Variants in DUOX1 observed in about 807,000 individuals in gnomAD.
DUOX1 encodes the protein NADPH thyroid oxidase 1.
DUOX1 carries 134 observed loss-of-function variants against 181.8 expected under a neutral mutation model. The observed-to-expected ratio is 0.74, with a 90% confidence interval of 0.64 to 0.85. The LOEUF (loss-of-function observed/expected upper bound fraction) is 0.85, where lower values mean the gene tolerates loss of function less well. DUOX1 is among the 40% of genes least tolerant of loss of function. The probability of loss-of-function intolerance (pLI) is 0.00; values close to 1 mark genes in which losing one functional copy is unlikely to be tolerated. For missense variants in DUOX1, 1,814 were observed against 2,064.4 expected (o/e 0.88, Z 2.35); for synonymous variants, 798 against 832.5 (o/e 0.96, Z 0.71).
At chr15:45,145,484 G>A (rs1397386193) in intron 18 of DUOX1, among the ~76,000 whole-genome samples, 4 of 152,202 alleles carry the variant, frequency 2.6e-5, no homozygotes, top group Admixed American at 1.3e-4. Flanking sequence ...GGGCATTGAT[G>A]TCCACCTTGC....
rs1896613858 is a variant in DUOX1 at position 45,145,049 on chromosome 15, T to G, written c.2291T>G (p.Leu764Arg). ...ACACGGGAGCAGCGGAGGCACCTCCTGGAGACCTTTTTCAGGCACCTTTTC... is the reference window on the plus strand; with the variant it reads ...ACACGGGAGCAGCGGAGGCACCTCCGGGAGACCTTTTTCAGGCACCTTTTC... ...AVTREQRRHL[L>R]ETFFRHLFSQ... Residue 764 changes from leucine (L) to arginine (R), a missense_variant, in exon 18 of 34, where the codon CTG (leucine) becomes CGG (arginine). This residue lies in a region of DUOX1 where 1,064 missense variants were observed against 1,152.9 expected (regional missense o/e 0.92). Transcript: ENST00000389037. 1.2e-6 allele frequency: 2 copies of G among 1,609,906 alleles called. No individual in the cohort carries two copies. Among genetic ancestry groups the G allele is most frequent in the East Asian group, 4.5e-5 (2 of 44,870 alleles).
At chr15:45,137,185 T>TAAAA (rs35442034) in intron 9 of DUOX1, among the ~76,000 whole-genome samples, 1 of 81,922 alleles carries the variant, frequency 1.2e-5, no homozygotes, top group Non-Finnish European at 2.3e-5. Flanking sequence ...TCGTCTCTAC[T>TAAAA]AAAAAAAAAA....
chr15:45,135,536 C>T lies in DUOX1; in HGVS notation c.558C>T (p.Ser186=). 3 of 1,558,548 alleles carry T rather than the reference C, an allele frequency of 1.9e-6. No individual in the cohort carries two copies. The highest frequency in any genetic ancestry group is 1.2e-5 in the South Asian group (1 of 84,744). The change falls in exon 6 of 34, where the codon AGC becomes AGT. Residue 186 remains serine, a synonymous_variant. Transcript: ENST00000389037. Reference sequence around the variant, plus strand: ...TCTATGGTTCCTCGCATTCCTGGAGCGACGCGCTGCGGAGCTTCTCCAGGG... The same window carrying T: ...TCTATGGTTCCTCGCATTCCTGGAGTGACGCGCTGCGGAGCTTCTCCAGGG... The part of the protein sequence containing the change: ...SAIYGSSHSW[S]DALRSFSRGQ...
Position 45,141,049 on chromosome 15 carries a change from G to A in DUOX1, c.1544G>A (p.Trp515Ter). ...FVRLRDGDRY[W>*]FENTRNGLFS... The stretch of plus-strand genomic sequence containing the variant: ...CGGCTACGGGATGGTGACCGCTACT[G>A]GTTTGAGAACACCAGGAATGGGTAA... Residue 515 changes from tryptophan to a stop codon, truncating the protein, a stop_gained, in exon 13 of 34, where the codon TGG becomes TAG. Coordinates refer to ENST00000389037, the MANE Select transcript of DUOX1 (RefSeq NM_175940.3). LOFTEE classifies it high-confidence loss of function. 6.2e-7 allele frequency: 1 copy of A among 1,614,238 alleles called. No homozygotes were observed. Among genetic ancestry groups the A allele is most frequent in the African/African-American group, 1.3e-5 (1 of 75,068 alleles).
In DUOX1 at chr15:45,138,078, A is replaced by ATGTGTGTGTG. The variant is rs72204897; in HGVS notation, c.1113+83_1113+92dup. On this transcript the variant is annotated intron_variant, in intron 10 of 33. Transcript: ENST00000389037. ...TGTGCATGCTTATGTGTGTGTGTGTATGTGTGTGTGTGTGTGTGTGTGTGT... is the reference window on the plus strand; with the variant it reads ...TGTGCATGCTTATGTGTGTGTGTGTATGTGTGTGTGTGTGTGTGTGTGTGTGTGTGTGTGT... 9.9e-4 allele frequency: 544 copies of ATGTGTGTGTG among 548,760 alleles called. 2 individuals are homozygous for ATGTGTGTGTG. Among genetic ancestry groups the ATGTGTGTGTG allele is most frequent in the African/African-American group, 3.6e-3 (179 of 50,356 alleles). 34.0% of individuals were successfully genotyped at this position (548,760 alleles called of 1,614,324 possible).
chr15:45,153,462 C>A lies in DUOX1; in HGVS notation c.3507C>A (p.Gly1169=), dbSNP rs760307573. The part of the protein sequence containing the change: ...PLSVLSCLFP[G]LFHDDGSELP... ...GCGTCCTCTCTTGCCTCTTTCCTGG[C>A]CTCTTCCATGATGATGGGTGAGTAA... Residue 1169 remains glycine (G), a synonymous_variant, in exon 26 of 34, where the codon GGC becomes GGA. Transcript: ENST00000389037. 1.4e-5 allele frequency: 23 copies of A among 1,612,526 alleles called. No homozygotes were observed. Among genetic ancestry groups the A allele is most frequent in the Non-Finnish European group, 1.6e-5 (19 of 1,179,596 alleles).
At chr15:45,144,807 C>T (rs937035480) in intron 17 of DUOX1, 88 bp from the exon 18 acceptor site, 2 of 1,379,446 alleles carry the variant, frequency 1.4e-6, no homozygotes, top group African/African-American at 1.4e-5. Flanking sequence ...AAGGCCACCC[C>T]AGTGGCCCCT....
At chr15:45,139,332 C>G (rs1470234150) in intron 11 of DUOX1, 95 bp from the exon 12 acceptor site, 3 of 1,588,678 alleles carry the variant, frequency 1.9e-6, no homozygotes, top group East Asian at 2.2e-5. Flanking sequence ...CCTTCTGGCT[C>G]AAGTCTCCTG....
At chr15:45,157,428 C>A (rs2141299480) in intron 28 of DUOX1, among the ~76,000 whole-genome samples, 1 of 152,234 alleles carries the variant, frequency 6.6e-6, no homozygotes, top group East Asian at 1.9e-4. Flanking sequence ...AGTGGCCAGG[C>A]AGGCTCCCTA....
At position 45,139,451 on chromosome 15, in the gene DUOX1, T is replaced by A. The variant is rs1595579382; in HGVS notation, c.1241T>A (p.Phe414Tyr). 1 of 1,612,522 alleles carries A rather than the reference T, an allele frequency of 6.2e-7. No homozygotes were observed. Among genetic ancestry groups the A allele is most frequent in the Admixed American group, 1.7e-5 (1 of 59,408 alleles). The change falls in exon 12 of 34, where the codon TTT becomes TAT. Residue 414 changes from phenylalanine (F) to tyrosine (Y), a missense_variant. Transcript: ENST00000389037. ...GATTTCTGGCCTGGGCCACTGAAGTTTTCCCGCACAGACCACCTGGCCAGC... is the reference window on the plus strand; with the variant it reads ...GATTTCTGGCCTGGGCCACTGAAGTATTCCCGCACAGACCACCTGGCCAGC... ...VRDFWPGPLK[F>Y]SRTDHLASCL... is the part of the protein sequence containing the mutation.
At chr15:45,139,732 C>A in intron 12 of DUOX1, 133 bp downstream of exon 12, 2 of 1,016,986 alleles carry the variant, frequency 2.0e-6, no homozygotes, top group Non-Finnish European at 2.8e-6. Flanking sequence ...TTACCCAGAT[C>A]ACTTTTCCCA....
intron 28 of DUOX1, among the ~76,000 whole-genome samples, chr15:45,160,627 G>A (rs1217830366): frequency 1.3e-5 from 2 of 152,348 alleles, no homozygotes; most frequent in Non-Finnish European, 2.9e-5. Flanking sequence ...GTGGTGTCAG[G>A]GATCTAGAAA....
chr15:45,160,139 G>A (rs1258985518), intron 28 of DUOX1, among the ~76,000 whole-genome samples: 3 of 152,186 alleles, frequency 2.0e-5, no homozygotes, highest in Non-Finnish European at 2.9e-5. Context: ...GTGACAGAAT[G>A]AGACTCTGTC....
chr15:45,153,492 GAA>G lies in DUOX1; in HGVS notation c.3524+14_3524+15del, dbSNP rs1463902298. The G allele has an allele frequency of 2.3e-5, 24 of 1,047,330 alleles. No homozygotes were observed. Among genetic ancestry groups the G allele is most frequent in the Non-Finnish European group, 3.5e-5 (24 of 681,794 alleles). The allele number at this position is 1,047,330 out of a possible 1,614,324, so 64.9% of individuals were successfully genotyped here. ...TCCATGATGATGGGTGAGTAAGTGCGAATGTGTGTGTGTGTGTGTGTGTGTGT... is the reference window on the plus strand; with the variant it reads ...TCCATGATGATGGGTGAGTAAGTGCGTGTGTGTGTGTGTGTGTGTGTGTGT... On this transcript the variant is annotated intron_variant, in intron 26 of 33. Coordinates refer to ENST00000389037, the MANE Select transcript of DUOX1 (RefSeq NM_175940.3).
At chr15:45,148,214 CTG>C in intron 20 of DUOX1, 56 bp from the exon 21 acceptor site, 1 of 1,609,830 alleles carries the variant, frequency 6.2e-7, no homozygotes, top group South Asian at 1.1e-5. Context: ...TCAGTGTGTC[CTG>C]TGTCTGGGTC....
At chr15:45,160,718 G>C in intron 28 of DUOX1, 119 bp from the exon 29 acceptor site, 1 of 1,315,916 alleles carries the variant, frequency 7.6e-7, no homozygotes, top group Non-Finnish European at 1.0e-6. Flanking sequence ...AGCATGGTAC[G>C]TGGTGAGGTG....
intron 8 of DUOX1, 36 bp from the exon 9 acceptor site, chr15:45,136,493 T>G: frequency 6.2e-7 from 1 of 1,614,040 alleles, no homozygotes; most frequent in Non-Finnish European, 8.5e-7. Context: ...ATTTTAGGGC[T>G]AAATTCTTCT....
rs768557575 is a variant in DUOX1, at chr15:45,161,840, C to T, written c.3959C>T (p.Pro1320Leu). 1.2e-6 allele frequency: 2 copies of T among 1,614,046 alleles called. No homozygotes were observed. The highest frequency in any genetic ancestry group is 1.7e-5 in the Admixed American group (1 of 60,004). The change falls in exon 30 of 34, where the codon CCC (proline) becomes CTC (leucine). Residue 1320 changes from proline (P) to leucine (L), a missense_variant. By Grantham distance (98) the Pro-to-Leu change is moderately conservative (BLOSUM62 -3). Coordinates refer to ENST00000389037, the MANE Select transcript of DUOX1 (RefSeq NM_175940.3). ...CLALGTTEYH[P>L]FTLTSAPHED... ...GCTCTGGGGACCACCGAGTACCACC[C>T]CTTCACACTGACCTCTGCGCCCCAT... is the stretch of plus-strand genomic sequence containing the variant.
chr15:45,152,375 T>C lies in DUOX1; in HGVS notation c.3283T>C (p.Phe1095Leu). Residue 1095 changes from phenylalanine (F) to leucine (L), a missense_variant, in exon 25 of 34, where the codon TTC becomes CTC. By Grantham distance (22) the Phe-to-Leu change is conservative (BLOSUM62 0). Transcript: ENST00000389037. ...LSRGTAASIS[F>L]MFSYILLTMC... ...GCGGGGCACAGCAGCCAGCATCTCT[T>C]TCATGTTCTCCTACATCTTGCTCAC... is the stretch of plus-strand genomic sequence containing the variant. 5.0e-6 allele frequency: 8 copies of C among 1,614,168 alleles called. No individual in the cohort carries two copies. The highest frequency in any genetic ancestry group is 6.8e-6 in the Non-Finnish European group (8 of 1,180,036).
Sources: allele counts gnomAD v4.1 joint callset (sites outside exome capture counted in the v4.1 genomes callset), GRCh38; gene constraint gnomAD v4.1.1; regional missense constraint gnomAD v4.1.1; transcripts MANE v1.5; gene names NCBI Gene and HGNC (gene_info 2026-07-23, HGNC 2026-07-21).